Variants in CENPW observed in about 807,000 individuals in gnomAD.
CENPW encodes the protein centromere protein W.
In CENPW, 3 loss-of-function variants were observed where a neutral mutation model predicts 11.1. The ratio of observed to expected loss-of-function variants is 0.27; its 90% CI spans 0.12 to 0.70. CENPW has a LOEUF of 0.70. Among genes scored for constraint, CENPW ranks in the 30% least tolerant of loss-of-function variants. CENPW has a pLI of 0.77. For synonymous variants in CENPW, 38 were observed against 42.0 expected (o/e 0.91, Z 0.37); for missense variants, 100 against 105.6 (o/e 0.95, Z 0.23).
chr6:126,455,822 A>G, the CENPW span, among the ~76,000 whole-genome samples: 2 of 151,388 alleles, frequency 1.3e-5, no homozygotes, highest in Non-Finnish European at 3.0e-5. Flanking sequence ...AGAAAACCCC[A>G]TAGTTTCTGC....
chr6:126,432,495 AT>A, the CENPW span, among the ~76,000 whole-genome samples: 1 of 151,806 alleles, frequency 6.6e-6, no homozygotes, highest in Middle Eastern at 3.4e-3. Context: ...TAGCTTTTTA[AT>A]TTTTTTTCCA....
the CENPW span, among the ~76,000 whole-genome samples, chr6:126,371,067 G>A: frequency 6.6e-6 from 1 of 152,092 alleles, no homozygotes; most frequent in Admixed American, 6.5e-5. Flanking sequence ...GTGCCTGGCA[G>A]GATGCAGTTT....
At chr6:126,379,510 A>G in the CENPW span, among the ~76,000 whole-genome samples, 1 of 152,156 alleles carries the variant, frequency 6.6e-6, no homozygotes, top group African/African-American at 2.4e-5. Context: ...GGTGAATTTA[A>G]TGCTCTTAAT....
At chr6:126,350,918 T>C (rs1453142039), downstream of CENPW, among the ~76,000 whole-genome samples, 1 of 152,052 alleles carries the variant, frequency 6.6e-6, no homozygotes, top group Non-Finnish European at 1.5e-5. Context: ...AACTAGAATA[T>C]GTAGTTAATG....
At chr6:126,344,818 C>T (rs1780378907) in intron 1 of CENPW, among the ~76,000 whole-genome samples, 1 of 152,164 alleles carries the variant, frequency 6.6e-6, no homozygotes, top group African/African-American at 2.4e-5. Flanking sequence ...CATTAAAACA[C>T]CACATTACTA....
the CENPW span, among the ~76,000 whole-genome samples, chr6:126,448,224 G>T: frequency 2.0e-5 from 3 of 151,058 alleles, no homozygotes; most frequent in African/African-American, 7.3e-5. Context: ...AGGATCTCTA[G>T]CGGTGCAGCC....
the CENPW span, among the ~76,000 whole-genome samples, chr6:126,396,297 C>T: frequency 1.6e-4 from 25 of 152,058 alleles, no homozygotes; most frequent in Non-Finnish European, 3.2e-4. Flanking sequence ...CCCTGCTTTC[C>T]ACAGGCAGAT....
chr6:126,437,313 C>T, the CENPW span, among the ~76,000 whole-genome samples: 1 of 151,866 alleles, frequency 6.6e-6, no homozygotes, highest in Non-Finnish European at 1.5e-5. Flanking sequence ...CTTTCCATAC[C>T]ATATGTTCTT....
chr6:126,471,774 A>G, the CENPW span, among the ~76,000 whole-genome samples: 83 of 152,294 alleles, frequency 5.4e-4, no homozygotes, highest in African/African-American at 2.0e-3. Context: ...GAAAGGGTGC[A>G]ATAATTAGAA....
At chr6:126,350,983 C>G (rs1351959976), downstream of CENPW, among the ~76,000 whole-genome samples, 1 of 150,206 alleles carries the variant, frequency 6.7e-6, no homozygotes, top group South Asian at 2.1e-4. Context: ...CCTTCAAGAG[C>G]TGGACTAGGG....
At position 126,340,212 on chromosome 6, in the gene CENPW, G is replaced by C; in HGVS notation, c.-62G>C. Reference sequence around the variant, plus strand: ...TGTTTTCGCTGGCCCAGTGTCCCCGGAGCTTGTGTGCGATACAGAGAGCAC... The same window carrying C: ...TGTTTTCGCTGGCCCAGTGTCCCCGCAGCTTGTGTGCGATACAGAGAGCAC... On this transcript the variant is annotated 5_prime_UTR_variant, in exon 1 of 3. Coordinates refer to ENST00000368328, the MANE Select transcript of CENPW (RefSeq NM_001012507.4). 6.6e-7 allele frequency: 1 copy of C among 1,522,472 alleles called. No homozygotes were observed. Among genetic ancestry groups the C allele is most frequent in the Non-Finnish European group, 9.1e-7 (1 of 1,102,814 alleles). The allele number at this position is 1,522,472 out of a possible 1,614,324, so 94.3% of individuals were successfully genotyped here.
chr6:126,413,001 A>G, the CENPW span, among the ~76,000 whole-genome samples: 5 of 152,170 alleles, frequency 3.3e-5, no homozygotes, highest in African/African-American at 1.2e-4. Flanking sequence ...CACTTGCTGT[A>G]TATCTTTATG....
the CENPW span, among the ~76,000 whole-genome samples, chr6:126,386,629 C>G: frequency 6.6e-6 from 1 of 151,926 alleles, no homozygotes; most frequent in African/African-American, 2.4e-5. Flanking sequence ...GTGCAGTGTA[C>G]ACTAGAGAAA....
chr6:126,426,323 A>C, the CENPW span, among the ~76,000 whole-genome samples: 2 of 152,180 alleles, frequency 1.3e-5, no homozygotes, highest in South Asian at 2.1e-4. Flanking sequence ...TCTTGAGTGA[A>C]AGCTCTTTTT....
At chr6:126,451,079 A>G in the CENPW span, among the ~76,000 whole-genome samples, 1 of 151,104 alleles carries the variant, frequency 6.6e-6, no homozygotes. Flanking sequence ...ATTCTGTTTC[A>G]GCAAATATTA....
At chr6:126,478,017 G>A in the CENPW span, among the ~76,000 whole-genome samples, 1 of 152,000 alleles carries the variant, frequency 6.6e-6, no homozygotes, top group South Asian at 2.1e-4. Context: ...GACCTAAGTA[G>A]TACTTAACTC....
At chr6:126,348,108 G>GTT (rs1474170229) in intron 2 of CENPW, among the ~76,000 whole-genome samples, 1 of 151,830 alleles carries the variant, frequency 6.6e-6, no homozygotes, top group Non-Finnish European at 1.5e-5. Context: ...AATTGGTATT[G>GTT]TTTAACTCCT....
chr6:126,479,557 T>C, the CENPW span, among the ~76,000 whole-genome samples: 1 of 152,060 alleles, frequency 6.6e-6, no homozygotes, highest in African/African-American at 2.4e-5. Context: ...AAAATGCATC[T>C]TTTTCCTGAA....
the CENPW span, among the ~76,000 whole-genome samples, chr6:126,467,928 T>G: frequency 1.3e-5 from 2 of 152,184 alleles, no homozygotes; most frequent in African/African-American, 4.8e-5. Flanking sequence ...ACCTGTGTGA[T>G]TTTCCTTCCC....
Sources: allele counts gnomAD v4.1 joint callset (sites outside exome capture counted in the v4.1 genomes callset), GRCh38; gene constraint gnomAD v4.1.1; transcripts MANE v1.5; gene names NCBI Gene and HGNC (gene_info 2026-07-23, HGNC 2026-07-21).